The following ALDH5A1 variants were observed in gnomAD, a reference collection of about 807,000 sequenced individuals.
ALDH5A1 encodes the protein succinate-semialdehyde dehydrogenase, mitochondrial.
A neutral mutation model predicts 54.7 loss-of-function variants in ALDH5A1; 33 were observed. The observed-to-expected ratio is 0.60, with a 90% CI of 0.46 to 0.81. The LOEUF is 0.81. Ranked by LOEUF, ALDH5A1 falls within the 30% of genes least tolerant of loss-of-function variation. The pLI is 0.00. For missense variants in ALDH5A1, 657 were observed against 711.0 expected, an observed-to-expected ratio of 0.92 and a Z score of 0.86; for synonymous variants, 294 against 292.7, an observed-to-expected ratio of 1.00 and a Z score of -0.05.
At chr6:24,521,781 G>A (rs1759684289) in intron 6 of ALDH5A1, among the ~76,000 whole-genome samples, 1 of 151,816 alleles carries the variant, frequency 6.6e-6, no homozygotes, top group South Asian at 2.1e-4. Context: ...CATTTTGGGA[G>A]GCCAAAGCAG....
Position 24,495,113 on chromosome 6 carries a change from C to G in ALDH5A1, c.117C>G (p.Pro39=), listed in dbSNP as rs1261800997. The change falls in exon 1 of 10, where the codon CCC becomes CCG. Residue 39 remains proline, a synonymous_variant. Transcript: ENST00000357578. ...TGGTCCCTGCCTCCGGGCCTGCGCC[C>G]GGCCCGGCCCAGCTCCGCTGCTACG... ...GGLVPASGPA[P]GPAQLRCYAG... is the part of the protein sequence containing the mutation. 4 of 1,310,956 alleles carry G rather than the reference C, an allele frequency of 3.1e-6. No individual in the cohort carries two copies. Among genetic ancestry groups the G allele is most frequent in the South Asian group, 4.7e-5 (2 of 42,810 alleles). 81.2% of individuals were successfully genotyped at this position (1,310,956 alleles called of 1,614,324 possible).
At chr6:24,513,076 AT>A (rs541094687) in intron 4 of ALDH5A1, among the ~76,000 whole-genome samples, 2 of 94,204 alleles carry the variant, frequency 2.1e-5, no homozygotes, top group South Asian at 7.4e-4. Flanking sequence ...TATTTTTTCT[AT>A]TTTTTTCTTT....
chr6:24,522,248 T>C (rs1054581591), intron 6 of ALDH5A1, among the ~76,000 whole-genome samples: 1 of 152,108 alleles, frequency 6.6e-6, no homozygotes, highest in Admixed American at 6.5e-5. Context: ...AGGTCAAGGC[T>C]GCAGTGAACT....
At position 24,529,026 on chromosome 6, in the gene ALDH5A1, T is replaced by C. The variant is rs528405482; in HGVS notation, c.1343+860T>C. On this transcript the variant is annotated intron_variant, in intron 8 of 9. Transcript: ENST00000357578. ...TATTATACCTCAAAGGATTCTTTCA[T>C]TGGCCTCCATAGGACATGAACTTTC... Among the ~76,000 whole-genome samples the C allele has an allele frequency of 3.9e-4, 59 of 152,318 alleles. 1 individual carries two copies. Among genetic ancestry groups the C allele is most frequent in the African/African-American group, 1.1e-3 (47 of 41,574 alleles).
intron 4 of ALDH5A1, among the ~76,000 whole-genome samples, chr6:24,508,554 A>G (rs1420310509): frequency 2.0e-5 from 3 of 151,878 alleles, no homozygotes; most frequent in Non-Finnish European, 2.9e-5. Flanking sequence ...TGCTTTTGCA[A>G]TTGTGAATTG....
At chr6:24,502,064 G>A (rs1764833088) in intron 1 of ALDH5A1, among the ~76,000 whole-genome samples, 2 of 151,990 alleles carry the variant, frequency 1.3e-5, no homozygotes, top group African/African-American at 4.8e-5. Context: ...TCTGCTGTCT[G>A]CAAGCTGGAG....
chr6:24,505,136 A>T, intron 4 of ALDH5A1, 151 bp downstream of exon 4: 1 of 824,954 alleles, frequency 1.2e-6, no homozygotes. Flanking sequence ...GATTACTTTA[A>T]GTCAGCTGTA....
intron 4 of ALDH5A1, among the ~76,000 whole-genome samples, chr6:24,506,881 G>A (rs985924016): frequency 1.3e-5 from 2 of 151,772 alleles, no homozygotes; most frequent in East Asian, 1.9e-4. Flanking sequence ...ATAGTGATAC[G>A]TTGTTATTAA....
chr6:24,511,440 T>A (rs1759459448), intron 4 of ALDH5A1, among the ~76,000 whole-genome samples: 1 of 152,194 alleles, frequency 6.6e-6, no homozygotes, highest in African/African-American at 2.4e-5. Flanking sequence ...ATTCTCTTCT[T>A]CCTCAGGAAC....
At chr6:24,513,626 T>C (rs1449032595) in intron 4 of ALDH5A1, among the ~76,000 whole-genome samples, 1 of 144,338 alleles carries the variant, frequency 6.9e-6, no homozygotes, top group African/African-American at 2.5e-5. Flanking sequence ...GGGGCTGGAC[T>C]CTCCATGCCC....
intron 3 of ALDH5A1, 41 bp downstream of exon 3, chr6:24,503,474 G>T (rs753877480): frequency 6.2e-7 from 1 of 1,602,086 alleles, no homozygotes; most frequent in South Asian, 1.1e-5. Context: ...TGGGAGATTG[G>T]ATAGGGAGTT....
rs868672346 is a variant in ALDH5A1, at chr6:24,536,678, C to T, written c.*2966C>T. The T allele has an allele frequency of 6.6e-6, 1 of 152,204 alleles. No homozygotes were observed. The highest frequency in any genetic ancestry group is 1.5e-5 in the Non-Finnish European group (1 of 68,038). The allele number at this position is 152,204 out of a possible 1,614,324, so 9.4% of individuals were successfully genotyped here. On this transcript the variant is annotated 3_prime_UTR_variant, in exon 10 of 10. Coordinates refer to ENST00000357578, the MANE Select transcript of ALDH5A1 (RefSeq NM_001080.3). The stretch of plus-strand genomic sequence containing the variant: ...ATGATAATGTACATGAAATTAGCCA[C>T]GTAACAAGAGTCTATTTGCCTTGAA...
intron 1 of ALDH5A1, among the ~76,000 whole-genome samples, chr6:24,499,566 C>T (rs1275446847): frequency 2.0e-5 from 3 of 151,658 alleles, no homozygotes; most frequent in Non-Finnish European, 4.4e-5. Context: ...ATCATTGGCT[C>T]ACTGCAGCCT....
chr6:24,521,857 ATT>A (rs71542679), intron 6 of ALDH5A1, among the ~76,000 whole-genome samples: 83 of 98,196 alleles, frequency 8.5e-4, no homozygotes, highest in African/African-American at 1.7e-3. Context: ...TGTCTCTACA[ATT>A]TTTTTTTTTT....
rs1001493071 is a variant in ALDH5A1, at chr6:24,495,172, T to G, written c.176T>G (p.Leu59Arg). Residue 59 changes from leucine (L) to arginine (R), a missense_variant, in exon 1 of 10, where the codon CTG (leucine) becomes CGG (arginine). Leu to Arg is a moderately radical substitution (Grantham distance 102). Coordinates refer to ENST00000357578, the MANE Select transcript of ALDH5A1 (RefSeq NM_001080.3). ...CTGGCGGGCCTCTCTGCGGCGCTGC[T>G]GCGCACCGACAGCTTCGTGGGCGGC... The part of the protein sequence containing the change: ...GRLAGLSAAL[L>R]RTDSFVGGRW... 6.7e-7 allele frequency: 1 copy of G among 1,494,554 alleles called. No individual in the cohort carries two copies. The highest frequency in any genetic ancestry group is 8.9e-7 in the Non-Finnish European group (1 of 1,129,556). The allele number at this position is 1,494,554 out of a possible 1,614,324, so 92.6% of individuals were successfully genotyped here. A position where few individuals can be genotyped will look rare whatever the true frequency, so the allele number is the denominator to read the frequency against.
At chr6:24,499,552 T>G (rs956485790) in intron 1 of ALDH5A1, among the ~76,000 whole-genome samples, 1 of 133,672 alleles carries the variant, frequency 7.5e-6, no homozygotes, top group East Asian at 2.0e-4. Context: ...AGTACAGTGA[T>G]GCTATCATTG....
At chr6:24,512,536 C>T (rs564293705) in intron 4 of ALDH5A1, among the ~76,000 whole-genome samples, 66 of 152,198 alleles carry the variant, frequency 4.3e-4, no homozygotes, top group Non-Finnish European at 8.2e-4. Context: ...TGATTCTTTC[C>T]TATATTCCTT....
At chr6:24,520,649 C>T (rs553848059) in intron 6 of ALDH5A1, 105 bp downstream of exon 6, 292 of 1,275,248 alleles carry the variant, frequency 2.3e-4, no homozygotes, top group African/African-American at 1.4e-3. Flanking sequence ...TGTGTGTGTG[C>T]GTGTGTGTGT....
chr6:24,521,893 G>C (rs141440469), intron 6 of ALDH5A1, among the ~76,000 whole-genome samples: 1,564 of 135,682 alleles, frequency 0.012, 40 homozygotes, highest in South Asian at 0.091. Context: ...GTGTGACAGA[G>C]TCTCACTCTG....
Sources: allele counts gnomAD v4.1 joint callset (sites outside exome capture counted in the v4.1 genomes callset), GRCh38; gene constraint gnomAD v4.1.1; transcripts MANE v1.5; gene names NCBI Gene and HGNC (gene_info 2026-07-23, HGNC 2026-07-21).